MN1: variants seen among roughly 807,000 people sequenced by gnomAD.
MN1 encodes the protein transcriptional activator MN1.
Under a neutral mutation model 86.9 loss-of-function variants are expected in MN1, and 19 were observed. The observed-to-expected ratio is 0.22, with a 90% confidence interval of 0.15 to 0.32. The LOEUF (loss-of-function observed/expected upper bound fraction) is 0.32. Among genes scored for constraint, MN1 ranks in the 10% least tolerant of loss-of-function variants. The pLI, the probability that MN1 is intolerant of heterozygous loss-of-function variation, is 1.00. For missense variants in MN1, 1,841 were observed against 1,862.0 expected, an observed-to-expected ratio of 0.99 and a Z score of 0.21; for synonymous variants, 928 against 849.6, an observed-to-expected ratio of 1.09 and a Z score of -1.60.
At chr22:27,783,068 C>T (rs1422431337) in intron 1 of MN1, among the ~76,000 whole-genome samples, 2 of 152,096 alleles carry the variant, frequency 1.3e-5, no homozygotes, top group African/African-American at 4.8e-5. Context: ...ATGTCCACCT[C>T]CACAAGAGGA....
intron 1 of MN1, among the ~76,000 whole-genome samples, chr22:27,781,079 C>A (rs904423833): frequency 6.6e-6 from 1 of 152,104 alleles, no homozygotes; most frequent in Non-Finnish European, 1.5e-5. Flanking sequence ...TACAGGTGTG[C>A]GCCACCATGG....
intron 1 of MN1, among the ~76,000 whole-genome samples, chr22:27,794,166 G>A (rs1933252349): frequency 6.6e-6 from 1 of 152,168 alleles, no homozygotes; most frequent in African/African-American, 2.4e-5. Context: ...CTGATTTTCA[G>A]TGAGGGGACT....
intron 1 of MN1, among the ~76,000 whole-genome samples, chr22:27,760,648 T>C (rs997572393): frequency 5.9e-5 from 9 of 152,100 alleles, no homozygotes; most frequent in African/African-American, 1.9e-4. Flanking sequence ...GACCAAGAGA[T>C]AGTGGCCAAC....
chr22:27,764,906 T>C (rs1015125586), intron 1 of MN1, among the ~76,000 whole-genome samples: 2 of 152,220 alleles, frequency 1.3e-5, no homozygotes, highest in Non-Finnish European at 2.9e-5. Context: ...GCCCACTCCC[T>C]GTTTTTGTAA....
At chr22:27,783,860 T>TGTCC (rs1933086403) in intron 1 of MN1, among the ~76,000 whole-genome samples, 1 of 152,184 alleles carries the variant, frequency 6.6e-6, no homozygotes, top group Non-Finnish European at 1.5e-5. Context: ...CGAGTCCGAA[T>TGTCC]ATCTCCACGT....
At chr22:27,795,680 T>C (rs577710616) in intron 1 of MN1, among the ~76,000 whole-genome samples, 5 of 151,766 alleles carry the variant, frequency 3.3e-5, no homozygotes, top group African/African-American at 1.2e-4. Flanking sequence ...TATATATAGA[T>C]ACATATATAG....
chr22:27,788,530 G>A (rs1933167917), intron 1 of MN1, among the ~76,000 whole-genome samples: 1 of 151,988 alleles, frequency 6.6e-6, no homozygotes, highest in Non-Finnish European at 1.5e-5. Flanking sequence ...TACTCCTGGT[G>A]GTCGCTGCCA....
At chr22:27,755,137 C>A (rs561392336) in intron 1 of MN1, among the ~76,000 whole-genome samples, 51 of 152,220 alleles carry the variant, frequency 3.4e-4, no homozygotes, top group Non-Finnish European at 6.9e-4. Context: ...CTCCTCTCAG[C>A]CCAGGATTCC....
intron 1 of MN1, among the ~76,000 whole-genome samples, chr22:27,762,302 C>G (rs1024491346): frequency 6.6e-6 from 1 of 152,170 alleles, no homozygotes; most frequent in Non-Finnish European, 1.5e-5. Context: ...AGGAAATTGA[C>G]TCCTCTGAGC....
chr22:27,800,462 G>T lies in MN1; in HGVS notation c.82C>A (p.Leu28Met). The T allele has an allele frequency of 6.2e-7, 1 of 1,614,226 alleles. No individual in the cohort carries two copies. Among genetic ancestry groups the T allele is most frequent in the South Asian group, 1.1e-5 (1 of 91,092 alleles). ...QGERNFNETG[L>M]SMNTHFKAPA... Reference sequence around the variant, plus strand: ...GCCTTAAAGTGGGTGTTCATGCTCAGTCCGGTCTCGTTAAAGTTCCTCTCG... The same window carrying T: ...GCCTTAAAGTGGGTGTTCATGCTCATTCCGGTCTCGTTAAAGTTCCTCTCG... Residue 28 changes from leucine (L) to methionine (M), a missense_variant, in exon 1 of 2, where the codon CTG (leucine) becomes ATG (methionine). Transcript: ENST00000302326.
In MN1 at chr22:27,798,259, C is replaced by G. The variant is rs866112872; in HGVS notation, c.2285G>C (p.Gly762Ala). Residue 762 changes from glycine to alanine, a missense_variant, in exon 1 of 2, where the codon GGC becomes GCC. Gly to Ala is a moderately conservative substitution (Grantham distance 60). Transcript: ENST00000302326. ...GRQSTPHSGPGVNSPPSAGGG... is the reference protein window; with the variant it reads ...GRQSTPHSGPAVNSPPSAGGG... The stretch of plus-strand genomic sequence containing the variant: ...TCCCGCGCTGGGGGGCGAGTTCACG[C>G]CTGGACCGCTGTGCGGCGTGGACTG... 2 of 1,528,516 alleles carry G rather than the reference C, an allele frequency of 1.3e-6. No individual in the cohort carries two copies. Among genetic ancestry groups the G allele is most frequent in the African/African-American group, 1.4e-5 (1 of 72,402 alleles). 94.7% of individuals were successfully genotyped at this position (1,528,516 alleles called of 1,614,324 possible). A position where few individuals can be genotyped will look rare whatever the true frequency, so the allele number is the denominator to read the frequency against.
At chr22:27,753,106 T>C (rs1932779932) in intron 1 of MN1, among the ~76,000 whole-genome samples, 1 of 152,232 alleles carries the variant, frequency 6.6e-6, no homozygotes, top group South Asian at 2.1e-4. Context: ...ACCTGCATGC[T>C]GGGAGGAGCC....
At chr22:27,769,290 A>G (rs1932894859) in intron 1 of MN1, among the ~76,000 whole-genome samples, 1 of 152,176 alleles carries the variant, frequency 6.6e-6, no homozygotes, top group Admixed American at 6.5e-5. Context: ...TTGAATCTGT[A>G]ATCTGACCTA....
At chr22:27,767,225 T>G (rs1932876468) in intron 1 of MN1, among the ~76,000 whole-genome samples, 1 of 152,042 alleles carries the variant, frequency 6.6e-6, no homozygotes, top group South Asian at 2.1e-4. Context: ...AAAGAGTCCC[T>G]AAAATGAGAA....
chr22:27,770,485 G>T (rs757022610), intron 1 of MN1, among the ~76,000 whole-genome samples: 11 of 152,156 alleles, frequency 7.2e-5, no homozygotes, highest in Non-Finnish European at 1.0e-4. Flanking sequence ...CCTTGTCCCA[G>T]CTGTGTGACT....
At chr22:27,785,688 C>T (rs2146309203) in intron 1 of MN1, among the ~76,000 whole-genome samples, 1 of 152,172 alleles carries the variant, frequency 6.6e-6, no homozygotes, top group Admixed American at 6.5e-5. Context: ...ATAAATTCTT[C>T]CTTTAAAACC....
intron 1 of MN1, among the ~76,000 whole-genome samples, chr22:27,751,310 T>C (rs45512801): frequency 0.09 from 13,733 of 152,134 alleles, 831 homozygotes; most frequent in African/African-American, 0.16. Flanking sequence ...AGGGAAGACC[T>C]CCCTGTTGGG....
At position 27,798,756 on chromosome 22, in the gene MN1, G is replaced by A; in HGVS notation, c.1788C>T (p.Gly596=). 1 of 1,534,096 alleles carries A rather than the reference G, an allele frequency of 6.5e-7. No homozygotes were observed. The change falls in exon 1 of 2, where the codon GGC becomes GGT. Residue 596 remains glycine, a synonymous_variant. Transcript: ENST00000302326. ...GCTCAAAGTTCGGCTGGGCCAAGCCGCCCACCGGGCCGCCATGCACCAGGC... is the reference window on the plus strand; with the variant it reads ...GCTCAAAGTTCGGCTGGGCCAAGCCACCCACCGGGCCGCCATGCACCAGGC... ...QGGLVHGGPV[G]GLAQPNFERE...
In MN1 at chr22:27,798,401, G is replaced by A. The variant is rs1372397089; in HGVS notation, c.2143C>T (p.Pro715Ser). 7 of 1,518,560 alleles carry A rather than the reference G, an allele frequency of 4.6e-6. No homozygotes were observed. The South Asian group carries it at 6.1e-5, about 13-fold the overall frequency. 94.1% of individuals were successfully genotyped at this position (1,518,560 alleles called of 1,614,324 possible). The change falls in exon 1 of 2, where the codon CCC (proline) becomes TCC (serine). Residue 715 changes from proline (P) to serine (S), a missense_variant. Pro to Ser is a moderately conservative substitution (Grantham distance 74, BLOSUM62 -1). Transcript: ENST00000302326. ...CTGGGGAGCCCCACGCCCGCCCCGGGCGACTGCAGCTGACCCAGGCCTCCC... is the reference window on the plus strand; with the variant it reads ...CTGGGGAGCCCCACGCCCGCCCCGGACGACTGCAGCTGACCCAGGCCTCCC... ...SLGGLGQLQS[P>S]GAGVGLPSAA... is the part of the protein sequence containing the mutation.
Sources: allele counts gnomAD v4.1 joint callset (sites outside exome capture counted in the v4.1 genomes callset), GRCh38; gene constraint gnomAD v4.1.1; transcripts MANE v1.5; gene names NCBI Gene and HGNC (gene_info 2026-07-23, HGNC 2026-07-21).